Variants in DCBLD2 observed in about 807,000 individuals in gnomAD.
The protein encoded by DCBLD2 is discoidin, CUB and LCCL domain-containing protein 2.
A neutral mutation model predicts 86.8 loss-of-function variants in DCBLD2; 54 were observed. That is an observed-to-expected ratio of 0.62 (90% CI 0.50 to 0.78). The LOEUF is 0.78. Ranked by LOEUF, DCBLD2 falls within the 30% of genes least tolerant of loss-of-function variation. The pLI is 0.00. For synonymous variants in DCBLD2, 354 were observed against 341.3 expected (o/e 1.04, Z -0.41); for missense variants, 908 against 954.2 (o/e 0.95, Z 0.64).
intron 10 of DCBLD2, 79 bp from the exon 11 acceptor site, chr3:98,811,633 A>G: frequency 1.6e-6 from 2 of 1,257,560 alleles, no homozygotes; most frequent in Non-Finnish European, 2.2e-6. Context: ...AAATGTCTTC[A>G]ATATTTCCTA....
chr3:98,896,497 T>TA (rs1943752401), intron 1 of DCBLD2, among the ~76,000 whole-genome samples: 1 of 152,222 alleles, frequency 6.6e-6, no homozygotes, highest in African/African-American at 2.4e-5. Context: ...ATTTTGTAGG[T>TA]ATGCTTATGT....
In DCBLD2 at chr3:98,805,075, A is replaced by C. The variant is rs556115217; in HGVS notation, c.1670+3006T>G. 2.1e-4 allele frequency: 32 copies of C among 152,486 alleles called. No individual in the cohort carries two copies. In the East Asian group the frequency reaches 6.2e-3, roughly 29 times the overall value. The allele number at this position is 152,486 out of a possible 1,614,324, so 9.4% of individuals were successfully genotyped here. A position where few individuals can be genotyped will look rare whatever the true frequency, so the allele number is the denominator to read the frequency against. ...TCCAATGTTAGTATATGTGCTGCCG[A>C]AGTGAGCACCACAAATGTGGTTTTC... On this transcript the variant is annotated intron_variant, in intron 13 of 15. Coordinates refer to ENST00000326840, the MANE Select transcript of DCBLD2 (RefSeq NM_080927.4).
intron 1 of DCBLD2, among the ~76,000 whole-genome samples, chr3:98,895,025 CAAGGA>C (rs1238366955): frequency 6.6e-6 from 1 of 151,458 alleles, no homozygotes; most frequent in Non-Finnish European, 1.5e-5. Flanking sequence ...ACCGAGAAGA[CAAGGA>C]AAGTAAGAGC....
At chr3:98,827,734 TA>T (rs1465153142) in intron 3 of DCBLD2, among the ~76,000 whole-genome samples, 1 of 152,204 alleles carries the variant, frequency 6.6e-6, no homozygotes, top group Non-Finnish European at 1.5e-5. Context: ...TAAGAAGCTT[TA>T]AAATGTCTTT....
At chr3:98,842,271 T>G (rs1046562203) in intron 3 of DCBLD2, among the ~76,000 whole-genome samples, 1 of 152,202 alleles carries the variant, frequency 6.6e-6, no homozygotes, top group Non-Finnish European at 1.5e-5. Flanking sequence ...CCTTGCATCG[T>G]AGATATATGA....
At chr3:98,855,105 C>T (rs2107490535) in intron 2 of DCBLD2, among the ~76,000 whole-genome samples, 1 of 152,130 alleles carries the variant, frequency 6.6e-6, no homozygotes, top group South Asian at 2.1e-4. Context: ...TAAAAAGAAC[C>T]CATTACCCGA....
intron 2 of DCBLD2, among the ~76,000 whole-genome samples, chr3:98,861,988 TAAAGA>T (rs1465587610): frequency 6.6e-6 from 1 of 151,210 alleles, no homozygotes; most frequent in East Asian, 1.9e-4. Context: ...GCAAGACTAA[TAAAGA>T]AAAGAGAGAA....
rs777925491 is a variant in DCBLD2, at chr3:98,849,472, A to G, written c.560T>C (p.Ile187Thr). The G allele has an allele frequency of 6.8e-6, 11 of 1,613,878 alleles. No individual in the cohort carries two copies. The highest frequency in any genetic ancestry group is 4.0e-5 in the African/African-American group (3 of 74,948). The change falls in exon 3 of 16, where the codon ATA becomes ACA. Residue 187 changes from isoleucine (I) to threonine (T), a missense_variant. Ile to Thr is a moderately conservative substitution (Grantham distance 89, BLOSUM62 -1). Transcript: ENST00000326840. ...AAGGTGAAAATTACCTTGTTTATCT[A>G]TAACAGAGTATGAGGCCAAAAATCC... ...GRGFLASYSV[I>T]DKQDLITCLD...
intron 3 of DCBLD2, among the ~76,000 whole-genome samples, chr3:98,838,782 C>T (rs1321327911): frequency 6.6e-6 from 1 of 152,148 alleles, no homozygotes; most frequent in Non-Finnish European, 1.5e-5. Flanking sequence ...AACGAGACTC[C>T]GTCTGCAATC....
chr3:98,870,060 C>T (rs570242039), intron 2 of DCBLD2, among the ~76,000 whole-genome samples: 1 of 152,286 alleles, frequency 6.6e-6, no homozygotes, highest in African/African-American at 2.4e-5. Context: ...GGTGAGTATT[C>T]TCAGAGCAAA....
intron 1 of DCBLD2, among the ~76,000 whole-genome samples, chr3:98,890,988 T>A (rs1444910397): frequency 6.6e-6 from 1 of 152,074 alleles, no homozygotes; most frequent in African/African-American, 2.4e-5. Context: ...AACCTCCACA[T>A]GTCCAGCAGT....
At position 98,799,499 on chromosome 3, in the gene DCBLD2, G is replaced by T; in HGVS notation, c.2201C>A (p.Thr734Asn). 4 of 1,613,966 alleles carry T rather than the reference G, an allele frequency of 2.5e-6. No homozygotes were observed. Among genetic ancestry groups the T allele is most frequent in the Non-Finnish European group, 3.4e-6 (4 of 1,179,886 alleles). Residue 734 changes from threonine to asparagine, a missense_variant, in exon 16 of 16, where the codon ACC becomes AAC. By Grantham distance (65) the Thr-to-Asn change is moderately conservative. Coordinates refer to ENST00000326840, the MANE Select transcript of DCBLD2 (RefSeq NM_080927.4). ...TAGACCTGGCTTCCCAGCTTTCGGG[G>T]TATCATACTGGGCCTGGGCTGAGGA... is the stretch of plus-strand genomic sequence containing the variant. ...SCSSAQAQYD[T>N]PKAGKPGLPA...
intron 2 of DCBLD2, among the ~76,000 whole-genome samples, chr3:98,868,323 A>G (rs1943196583): frequency 6.6e-6 from 1 of 152,218 alleles, no homozygotes; most frequent in African/African-American, 2.4e-5. Context: ...ATTTAATTAT[A>G]GATCTAGAAA....
intron 3 of DCBLD2, among the ~76,000 whole-genome samples, chr3:98,836,571 C>T (rs62278514): frequency 7.1e-6 from 1 of 141,314 alleles, no homozygotes; most frequent in Non-Finnish European, 1.6e-5. Flanking sequence ...CACAAAGCCG[C>T]CATTGTCATC....
chr3:98,806,589 T>G (rs1941843792), intron 13 of DCBLD2, among the ~76,000 whole-genome samples: 1 of 152,148 alleles, frequency 6.6e-6, no homozygotes, highest in African/African-American at 2.4e-5. Context: ...TGGGAGTTTT[T>G]TTTGCATTGC....
At chr3:98,802,238 G>A (rs1941736338) in intron 13 of DCBLD2, among the ~76,000 whole-genome samples, 1 of 152,060 alleles carries the variant, frequency 6.6e-6, no homozygotes. Context: ...ACTTTTTAAT[G>A]ATCACCATTC....
At chr3:98,872,219 A>C (rs149137010) in intron 2 of DCBLD2, among the ~76,000 whole-genome samples, 250 of 152,286 alleles carry the variant, frequency 1.6e-3, no homozygotes, top group Admixed American at 6.5e-3. Context: ...AGTATTGGAA[A>C]GTGGGGCCTA....
At chr3:98,879,473 G>A (rs544856957) in intron 2 of DCBLD2, among the ~76,000 whole-genome samples, 104 of 151,862 alleles carry the variant, frequency 6.8e-4, no homozygotes, top group Non-Finnish European at 9.4e-4. Context: ...TGCAAGCTCC[G>A]TCTCCCGGGT....
At chr3:98,812,245 A>T in intron 10 of DCBLD2, 87 bp downstream of exon 10, 2 of 1,510,250 alleles carry the variant, frequency 1.3e-6, no homozygotes, top group Non-Finnish European at 8.9e-7. Flanking sequence ...AGACACTCAC[A>T]TTATTAATTA....
Sources: gnomAD v4.1 joint callset for allele counts (sites outside exome capture counted in the v4.1 genomes callset) on GRCh38, gnomAD v4.1.1 for gene constraint, MANE v1.5 for transcripts, NCBI Gene and HGNC (gene_info 2026-07-23, HGNC 2026-07-21) for gene names.